KRT86: variants seen among roughly 807,000 people sequenced by gnomAD.
The protein encoded by KRT86 is keratin, type II cuticular Hb6.
In KRT86, 30 loss-of-function variants were observed where a neutral mutation model predicts 41.2. The observed-to-expected ratio is 0.73, with a 90% confidence interval of 0.54 to 0.99. KRT86 has a LOEUF of 0.99. Ranked by LOEUF, KRT86 falls within the 50% of genes least tolerant of loss-of-function variation. The probability of loss-of-function intolerance (pLI) is 0.00; values close to 1 mark genes in which losing one functional copy is unlikely to be tolerated. For missense variants in KRT86, 561 were observed against 571.4 expected, an observed-to-expected ratio of 0.98 and a Z score of 0.19; for synonymous variants, 238 against 238.1, an observed-to-expected ratio of 1.00 and a Z score of 0.00.
At chr12:52,287,764 C>A (rs370107494) in intron 2 of KRT86, 1 of 1,614,024 alleles carries the variant, frequency 6.2e-7, no homozygotes, top group Non-Finnish European at 8.5e-7. Context: ...GGTGGGACCT[C>A]CCATCCATTC....
intron 1 of KRT86, among the ~76,000 whole-genome samples, 157 bp from the exon 2 acceptor site, chr12:52,275,663 AC>A (rs956253957): frequency 6.6e-5 from 10 of 152,150 alleles, no homozygotes; most frequent in Non-Finnish European, 1.3e-4. Flanking sequence ...TCTTTCAACA[AC>A]CTTTGGAGAT....
intron 2 of KRT86, among the ~76,000 whole-genome samples, chr12:52,284,429 A>G (rs1386699585): frequency 1.3e-5 from 2 of 152,156 alleles, no homozygotes; most frequent in African/African-American, 2.4e-5. Flanking sequence ...GGCTCAAGCG[A>G]TCTTTTCACC....
intron 2 of KRT86, among the ~76,000 whole-genome samples, chr12:52,300,183 G>T (rs975168126): frequency 6.8e-4 from 104 of 152,274 alleles, no homozygotes; most frequent in African/African-American, 2.4e-3. Context: ...AATTTTACAT[G>T]GTGACTGAGT....
intron 2 of KRT86, among the ~76,000 whole-genome samples, chr12:52,299,362 T>C (rs1200871990): frequency 6.6e-6 from 1 of 152,264 alleles, no homozygotes; most frequent in African/African-American, 2.4e-5. Context: ...GACACTTAGT[T>C]TGATTCCAAA....
At chr12:52,286,343 G>T (rs989679449) in intron 2 of KRT86, 2 of 1,555,270 alleles carry the variant, frequency 1.3e-6, no homozygotes. Context: ...CCCTCCGCAG[G>T]TGGTGTTCAA....
chr12:52,281,630 T>C (rs1937773654), intron 2 of KRT86, among the ~76,000 whole-genome samples: 1 of 152,214 alleles, frequency 6.6e-6, no homozygotes, highest in African/African-American at 2.4e-5. Context: ...TTGATCCTGT[T>C]CCCAGTCTTA....
At chr12:52,296,103 A>G (rs529904693) in intron 2 of KRT86, among the ~76,000 whole-genome samples, 21 of 152,268 alleles carry the variant, frequency 1.4e-4, no homozygotes, top group Non-Finnish European at 2.6e-4. Context: ...AGAGAAGCAA[A>G]TCAGAGGAGA....
intron 2 of KRT86, chr12:52,291,357 A>C (rs756023107): frequency 1.9e-6 from 3 of 1,594,910 alleles, no homozygotes; most frequent in Non-Finnish European, 2.6e-6. Flanking sequence ...CCGCGGTAGC[A>C]GGAGATGCCA....
chr12:52,280,829 G>A (rs1453964534), intron 2 of KRT86, among the ~76,000 whole-genome samples: 1 of 152,124 alleles, frequency 6.6e-6, no homozygotes, highest in Non-Finnish European at 1.5e-5. Context: ...TGCTATTCAA[G>A]CCCAATTTTC....
At chr12:52,304,375 T>TG (rs1938449904) in intron 5 of KRT86, among the ~76,000 whole-genome samples, 3 of 127,636 alleles carry the variant, frequency 2.4e-5, no homozygotes, top group Non-Finnish European at 3.3e-5. Flanking sequence ...TACCAGCACC[T>TG]ACCTTGGGCA....
chr12:52,299,849 T>C (rs1266078971), intron 2 of KRT86, among the ~76,000 whole-genome samples: 1 of 152,242 alleles, frequency 6.6e-6, no homozygotes, highest in Non-Finnish European at 1.5e-5. Flanking sequence ...ACGAATTCCT[T>C]GTCAGTTGAA....
rs199538989 is a variant in KRT86 at position 52,301,964 on chromosome 12, G to A, written c.48G>A (p.Ser16=). 6.2e-7 allele frequency: 1 copy of A among 1,613,624 alleles called. No homozygotes were observed. Among genetic ancestry groups the A allele is most frequent in the Non-Finnish European group, 8.5e-7 (1 of 1,179,778 alleles). ...YCGGRAFSCI[S]ACGPRPGRCC... is the part of the protein sequence containing the mutation. ...GTGGCCGCGCCTTCAGCTGCATCTC[G>A]GCCTGCGGGCCCCGGCCCGGCCGCT... Residue 16 remains serine (S), a synonymous_variant, in exon 3 of 11, where the codon TCG becomes TCA. Coordinates refer to ENST00000423955, the MANE Select transcript of KRT86 (RefSeq NM_001320198.2).
chr12:52,284,302 G>A (rs893454645), intron 2 of KRT86, among the ~76,000 whole-genome samples: 5 of 152,150 alleles, frequency 3.3e-5, no homozygotes, highest in African/African-American at 4.8e-5. Context: ...AAGCTGTCCT[G>A]CTTCGGCCCC....
chr12:52,306,494 T>A, intron 9 of KRT86: 6 of 715,764 alleles, frequency 8.4e-6, no homozygotes, highest in Non-Finnish European at 1.1e-5. Flanking sequence ...CTTGTTCATC[T>A]CAGTTGAGAT....
intron 7 of KRT86, 32 bp from the exon 8 acceptor site, chr12:52,305,631 C>T (rs754953411): frequency 2.5e-6 from 4 of 1,614,054 alleles, no homozygotes; most frequent in East Asian, 2.2e-5. Context: ...AGGTCCCACC[C>T]TGAACCTCAT....
chr12:52,305,618 G>T, intron 7 of KRT86, 45 bp from the exon 8 acceptor site: 1 of 1,613,944 alleles, frequency 6.2e-7, no homozygotes, highest in Non-Finnish European at 8.5e-7. Flanking sequence ...CTGAATGGGT[G>T]GGAGGTCCCA....
rs75798653 is a variant in KRT86 at position 52,287,701 on chromosome 12, C to T, written c.-5+11755C>T. The T allele has an allele frequency of 5.2e-4, 844 of 1,614,012 alleles. 11 individuals are homozygous for T. The East Asian group carries it at 0.017, about 33-fold the overall frequency. On this transcript the variant is annotated intron_variant, in intron 2 of 10. Coordinates refer to ENST00000423955, the MANE Select transcript of KRT86 (RefSeq NM_001320198.2). Reference sequence around the variant, plus strand: ...GCAGGGTCTCCCCGTGCCTGATCACCGTGGCCTTCATCTCCTCACACTGGG... The same window carrying T: ...GCAGGGTCTCCCCGTGCCTGATCACTGTGGCCTTCATCTCCTCACACTGGG...
chr12:52,300,744 C>T, intron 2 of KRT86, among the ~76,000 whole-genome samples: 1 of 152,218 alleles, frequency 6.6e-6, no homozygotes, highest in Non-Finnish European at 1.5e-5. Flanking sequence ...GGGATGATGG[C>T]AGGGGCTGGA....
Position 52,308,641 on chromosome 12 carries a change from T to TCGCGCCACCAGAA in KRT86, c.*63_*75dup. The TCGCGCCACCAGAA allele has an allele frequency of 6.5e-7, 1 of 1,543,424 alleles. No homozygotes were observed. The highest frequency in any genetic ancestry group is 1.1e-5 in the South Asian group (1 of 88,512). On this transcript the variant is annotated 3_prime_UTR_variant, in exon 11 of 11. Transcript: ENST00000423955. ...CGTCACTCTCCACCCAGCCAGTACC[T>TCGCGCCACCAGAA]CGCGCCACCAGAACGCGCCGCCCGC... is the stretch of plus-strand genomic sequence containing the variant.
Sources: gnomAD v4.1 joint callset for allele counts (sites outside exome capture counted in the v4.1 genomes callset) on GRCh38, gnomAD v4.1.1 for gene constraint, MANE v1.5 for transcripts, NCBI Gene and HGNC (gene_info 2026-07-23, HGNC 2026-07-21) for gene names.